SOX5: variants seen among roughly 807,000 people sequenced by gnomAD.
The protein encoded by SOX5 is transcription factor SOX-5.
Under a neutral mutation model 92.0 loss-of-function variants are expected in SOX5, and 9 were observed. The observed-to-expected ratio is 0.10, with a 90% CI of 0.06 to 0.17. The LOEUF (loss-of-function observed/expected upper bound fraction) is 0.17. Ranked by LOEUF, SOX5 falls within the 10% of genes least tolerant of loss-of-function variation. SOX5 has a pLI of 1.00. For missense variants in SOX5, 642 were observed against 944.5 expected (o/e 0.68, Z 4.20); for synonymous variants, 344 against 336.3 (o/e 1.02, Z -0.25).
At chr12:23,775,665 T>C (rs1050741685) in intron 3 of SOX5, among the ~76,000 whole-genome samples, 12 of 152,204 alleles carry the variant, frequency 7.9e-5, no homozygotes, top group Admixed American at 2.0e-4. Context: ...CCACAGTTAT[T>C]TTGTACTGTT....
rs1331425216 is a variant in SOX5 at position 24,393,274 on chromosome 12, C to G, written c.-250-24635G>C. On this transcript the variant is annotated intron_variant, in intron 1 of 4. Coordinates refer to the SOX5 transcript ENST00000446891. This position sits in a 1 kb window ranked among gnomAD's most constrained non-coding sequence, Gnocchi z 5.0. Reference sequence around the variant, plus strand: ...AAATTCTGTCTACTAAACAAATTAGCAAGCTCATCAATAACTGCACGGCAT... The same window carrying G: ...AAATTCTGTCTACTAAACAAATTAGGAAGCTCATCAATAACTGCACGGCAT... Among the ~76,000 whole-genome samples the G allele has an allele frequency of 6.6e-6, 1 of 152,174 alleles. No individual in the cohort carries two copies. Among genetic ancestry groups the G allele is most frequent in the African/African-American group, 2.4e-5 (1 of 41,434 alleles).
At chr12:24,223,814 C>T (rs1034258162) in intron 3 of SOX5, among the ~76,000 whole-genome samples, 2 of 152,032 alleles carry the variant, frequency 1.3e-5, no homozygotes, top group Non-Finnish European at 2.9e-5. Flanking sequence ...AAAAAACATA[C>T]ACACACGAAT....
intron 11 of SOX5, among the ~76,000 whole-genome samples, chr12:23,547,259 A>G: frequency 6.6e-6 from 1 of 152,174 alleles, no homozygotes; most frequent in African/African-American, 2.4e-5. Context: ...AAACTTGATA[A>G]CTTTCTCGTG....
chr12:23,922,941 TTC>T (rs1938778573), intron 1 of SOX5, among the ~76,000 whole-genome samples: 1 of 146,672 alleles, frequency 6.8e-6, no homozygotes, highest in Admixed American at 6.8e-5. Flanking sequence ...GGGAAGCTCC[TTC>T]TTTTTTTTTT....
At chr12:23,539,087 G>A (rs1487996383) in intron 13 of SOX5, among the ~76,000 whole-genome samples, 1 of 151,916 alleles carries the variant, frequency 6.6e-6, no homozygotes, top group Non-Finnish European at 1.5e-5. Flanking sequence ...TTACAGGTGT[G>A]AGCCACCACT....
intron 10 of SOX5, among the ~76,000 whole-genome samples, chr12:23,569,479 T>C (rs1947758757): frequency 6.6e-6 from 1 of 152,182 alleles, no homozygotes; most frequent in Admixed American, 6.5e-5. Flanking sequence ...ACTGGAACTT[T>C]TGAAACTCTT....
In SOX5 at chr12:24,433,394, C is replaced by A. The variant is rs114338119; in HGVS notation, c.-250-64755G>T. On this transcript the variant is annotated intron_variant, in intron 1 of 4. Transcript: ENST00000446891. ...TTGAAGCAGTCAGTAAGTGACACTT[C>A]TTTTGACAAAAATTGTGGAAGTTAA... 7.2e-3 allele frequency among the ~76,000 whole-genome samples: 1,097 copies of A among 152,234 alleles called. 13 individuals are homozygous for A. Among genetic ancestry groups the A allele is most frequent in the African/African-American group, 0.024 (998 of 41,546 alleles).
Position 24,215,722 on chromosome 12 carries a change from CT to C in SOX5, c.-76-2306del, listed in dbSNP as rs1959115934. ...CAATTCTTATCAAAATCCCAGTTGG[CT>C]TTTTTACAGAAACTGTCAAGCTGAT... On this transcript the variant is annotated intron_variant, in intron 3 of 4. Coordinates refer to the SOX5 transcript ENST00000446891. Among the ~76,000 whole-genome samples, 3 of 151,614 alleles carry C rather than the reference CT, an allele frequency of 2.0e-5. No individual in the cohort carries two copies. In the South Asian group the frequency reaches 6.2e-4, roughly 32 times the overall value.
upstream of SOX5, among the ~76,000 whole-genome samples, chr12:23,953,562 GA>G (rs1192190422): frequency 6.6e-6 from 1 of 151,718 alleles, no homozygotes; most frequent in African/African-American, 2.4e-5. Context: ...TTTAATAAAA[GA>G]ATTTTAAAAA....
intron 1 of SOX5, among the ~76,000 whole-genome samples, chr12:24,406,900 A>G (rs1963082521): frequency 6.6e-6 from 1 of 152,190 alleles, no homozygotes; most frequent in Admixed American, 6.5e-5. Context: ...GCTTGTTCAA[A>G]ATACGATTAA....
At chr12:23,712,431 T>G (rs1253944249) in intron 6 of SOX5, among the ~76,000 whole-genome samples, 1 of 152,172 alleles carries the variant, frequency 6.6e-6, no homozygotes. Context: ...GTCCACACAC[T>G]CAGCAATAGA....
chr12:24,523,825 C>T (rs77893428), intron 1 of SOX5, among the ~76,000 whole-genome samples: 4,826 of 152,218 alleles, frequency 0.032, 97 homozygotes, highest in Non-Finnish European at 0.048. Flanking sequence ...TTTGTGACAT[C>T]GGTCTTGGCA....
At chr12:24,350,746 C>T (rs933970615) in intron 2 of SOX5, among the ~76,000 whole-genome samples, 2 of 152,212 alleles carry the variant, frequency 1.3e-5, no homozygotes, top group East Asian at 1.9e-4. Context: ...ATGACCATAT[C>T]TAGGACATAG....
At chr12:24,286,055 C>T (rs1945825623) in intron 2 of SOX5, among the ~76,000 whole-genome samples, 1 of 152,026 alleles carries the variant, frequency 6.6e-6, no homozygotes, top group Non-Finnish European at 1.5e-5. Flanking sequence ...GAAACTTTAA[C>T]CTGCTTTAAT....
chr12:23,863,274 T>C (rs765220807), intron 2 of SOX5, among the ~76,000 whole-genome samples: 1 of 152,184 alleles, frequency 6.6e-6, no homozygotes, highest in Non-Finnish European at 1.5e-5. Flanking sequence ...TAACCTCAGA[T>C]TGCATTCAGA....
intron 4 of SOX5, among the ~76,000 whole-genome samples, chr12:23,741,341 GT>G (rs564067964): frequency 5.3e-5 from 8 of 151,726 alleles, no homozygotes; most frequent in Admixed American, 1.3e-4. Flanking sequence ...ATAATCTATA[GT>G]TTTTTTTAAC....
intron 4 of SOX5, among the ~76,000 whole-genome samples, chr12:24,197,829 G>C (rs1310523923): frequency 6.6e-6 from 1 of 152,136 alleles, no homozygotes; most frequent in Non-Finnish European, 1.5e-5. Context: ...ACTGTCACTC[G>C]GGTTCCTGTT....
In SOX5 at chr12:24,375,224, C is replaced by A. The variant is rs189681959; in HGVS notation, c.-250-6585G>T. Among the ~76,000 whole-genome samples the A allele has an allele frequency of 2.4e-3, 368 of 151,948 alleles. 3 individuals are homozygous for A. The highest frequency in any genetic ancestry group is 8.3e-3 in the African/African-American group (345 of 41,478). ...ACCTGACCTCGTGATCCACCCGCCTCAGCCTCCCAAAGTGCTGGGATTACA... is the reference window on the plus strand; with the variant it reads ...ACCTGACCTCGTGATCCACCCGCCTAAGCCTCCCAAAGTGCTGGGATTACA... On this transcript the variant is annotated intron_variant, in intron 1 of 4. Coordinates refer to the SOX5 transcript ENST00000446891.
At chr12:23,918,309 G>A (rs1013132937) in intron 1 of SOX5, among the ~76,000 whole-genome samples, 1 of 152,114 alleles carries the variant, frequency 6.6e-6, no homozygotes, top group Non-Finnish European at 1.5e-5. Flanking sequence ...GGTTCCTAGA[G>A]AGTTCTAATT....
Sources: allele counts gnomAD v4.1 joint callset (sites outside exome capture counted in the v4.1 genomes callset), GRCh38; gene constraint gnomAD v4.1.1; non-coding constraint Gnocchi (gnomAD v3.1); transcripts MANE v1.5; gene names NCBI Gene and HGNC (gene_info 2026-07-23, HGNC 2026-07-21).